The following FRK variants were observed in gnomAD, a reference collection of about 807,000 sequenced individuals.
The protein encoded by FRK is fyn related Src family tyrosine kinase.
A neutral mutation model predicts 56.4 loss-of-function variants in FRK; 51 were observed. The ratio of observed to expected loss-of-function variants is 0.90; its 90% CI spans 0.72 to 1.14. The LOEUF (loss-of-function observed/expected upper bound fraction) is 1.14. FRK is among the 50% of genes most tolerant of loss of function. FRK has a pLI of 0.00. For synonymous variants in FRK, 245 were observed against 217.9 expected, an observed-to-expected ratio of 1.12 and a Z score of -1.10; for missense variants, 570 against 601.4, an observed-to-expected ratio of 0.95 and a Z score of 0.55.
At chr6:116,050,327 T>C (rs920344589) in intron 1 of FRK, among the ~76,000 whole-genome samples, 21 of 152,210 alleles carry the variant, frequency 1.4e-4, no homozygotes, top group African/African-American at 4.8e-4. Context: ...CTACTTATCT[T>C]GGCTAACCTG....
intron 1 of FRK, among the ~76,000 whole-genome samples, chr6:116,031,945 C>A (rs1776317283): frequency 6.6e-6 from 1 of 152,092 alleles, no homozygotes; most frequent in Non-Finnish European, 1.5e-5. Flanking sequence ...ACAATTATTT[C>A]TCATTACTTC....
At chr6:116,053,261 T>C (rs999699155) in intron 1 of FRK, among the ~76,000 whole-genome samples, 1 of 152,210 alleles carries the variant, frequency 6.6e-6, no homozygotes, top group Non-Finnish European at 1.5e-5. Context: ...CTCTTATTTA[T>C]ATTGCCCATA....
intron 5 of FRK, 34 bp from the exon 6 acceptor site, chr6:115,944,459 T>C (rs1232669856): frequency 1.3e-6 from 2 of 1,524,366 alleles, no homozygotes; most frequent in African/African-American, 2.8e-5. Context: ...AAAGTTACCT[T>C]AGAGAACATT....
chr6:115,991,512 A>G (rs1774604260), intron 2 of FRK, among the ~76,000 whole-genome samples: 1 of 151,820 alleles, frequency 6.6e-6, no homozygotes, highest in African/African-American at 2.4e-5. Flanking sequence ...TTTTTGCTTC[A>G]TCTATTGAGA....
At chr6:116,095,305 T>C in the FRK span, among the ~76,000 whole-genome samples, 1 of 152,216 alleles carries the variant, frequency 6.6e-6, no homozygotes, top group East Asian at 1.9e-4. Flanking sequence ...AATTGCCTAA[T>C]AATTGGTCTG....
intron 1 of FRK, among the ~76,000 whole-genome samples, chr6:116,037,295 G>A (rs1213345140): frequency 1.3e-5 from 2 of 152,098 alleles, no homozygotes; most frequent in African/African-American, 2.4e-5. Context: ...ACAGGTGTTC[G>A]TATTTTTGTG....
chr6:116,060,502 C>T lies in FRK; in HGVS notation c.-191G>A, dbSNP rs771260961. 6.0e-4 allele frequency: 335 copies of T among 559,878 alleles called. No homozygotes were observed. The highest frequency in any genetic ancestry group is 8.9e-4 in the Non-Finnish European group (282 of 317,400). The allele number at this position is 559,878 out of a possible 1,614,324, so 34.7% of individuals were successfully genotyped here. On this transcript the variant is annotated 5_prime_UTR_variant, in exon 1 of 8. Transcript: ENST00000606080. ...GCAAGTCCTACCTGGAGAGACTTACCGGCTTGCTTTCTGTGGCTGGAGGTG... is the reference window on the plus strand; with the variant it reads ...GCAAGTCCTACCTGGAGAGACTTACTGGCTTGCTTTCTGTGGCTGGAGGTG...
At chr6:116,020,215 A>G (rs1188968671) in intron 1 of FRK, among the ~76,000 whole-genome samples, 2 of 152,226 alleles carry the variant, frequency 1.3e-5, no homozygotes, top group African/African-American at 4.8e-5. Context: ...AATTTATAAA[A>G]GACAGCTCAT....
Position 115,955,557 on chromosome 6 carries a change from C to T in FRK, c.958+895G>A, listed in dbSNP as rs1177037792. On this transcript the variant is annotated intron_variant, in intron 5 of 7. Transcript: ENST00000606080. The stretch of plus-strand genomic sequence containing the variant: ...AAGCTGAGTATATTTCTGTTTTTAA[C>T]AGCATTCAACAGGCCTTATTATGTT... 2.0e-5 allele frequency among the ~76,000 whole-genome samples: 3 copies of T among 152,144 alleles called. No individual in the cohort carries two copies. The East Asian group carries it at 5.8e-4, about 29-fold the overall frequency.
the FRK span, among the ~76,000 whole-genome samples, chr6:116,097,819 T>C: frequency 6.7e-3 from 1,024 of 152,296 alleles, 15 homozygotes; most frequent in African/African-American, 0.023. Context: ...TAAGCAAAAG[T>C]ACCCAACTTC....
intron 5 of FRK, among the ~76,000 whole-genome samples, chr6:115,944,708 T>C (rs938647600): frequency 3.3e-5 from 5 of 152,154 alleles, no homozygotes; most frequent in Non-Finnish European, 7.4e-5. Flanking sequence ...CTGCCTTTTT[T>C]CTTTTTTAAA....
intron 1 of FRK, among the ~76,000 whole-genome samples, chr6:116,012,455 G>A (rs1775507584): frequency 6.6e-6 from 1 of 152,164 alleles, no homozygotes; most frequent in Admixed American, 6.5e-5. Context: ...CTACTCCTCT[G>A]TTTTGATATG....
intron 1 of FRK, among the ~76,000 whole-genome samples, chr6:116,057,195 T>C (rs1362991749): frequency 6.6e-6 from 1 of 152,174 alleles, no homozygotes; most frequent in African/African-American, 2.4e-5. Flanking sequence ...ACTCATCCCA[T>C]ACATGTGGAT....
At chr6:115,985,837 G>A (rs557434213) in intron 2 of FRK, among the ~76,000 whole-genome samples, 2 of 151,412 alleles carry the variant, frequency 1.3e-5, no homozygotes, top group Non-Finnish European at 2.9e-5. Flanking sequence ...TTCCAATCTG[G>A]AGTGATTTTG....
chr6:115,995,732 C>T (rs1582692766), intron 2 of FRK, among the ~76,000 whole-genome samples: 1 of 152,106 alleles, frequency 6.6e-6, no homozygotes, highest in Non-Finnish European at 1.5e-5. Context: ...TGTGCATCTG[C>T]ATGTATATGT....
chr6:116,081,794 T>C, the FRK span, among the ~76,000 whole-genome samples: 2 of 152,174 alleles, frequency 1.3e-5, no homozygotes, highest in Non-Finnish European at 2.9e-5. Context: ...ATTAATCAAG[T>C]GTTTTAATTG....
Position 116,055,077 on chromosome 6 carries a change from A to T in FRK, c.344+4891T>A, listed in dbSNP as rs547069041. 5.3e-5 allele frequency among the ~76,000 whole-genome samples: 8 copies of T among 152,314 alleles called. No homozygotes were observed. The South Asian group carries it at 1.2e-3, about 24-fold the overall frequency. On this transcript the variant is annotated intron_variant, in intron 1 of 7. Coordinates refer to ENST00000606080, the MANE Select transcript of FRK (RefSeq NM_002031.3). ...CAGCATTCAAATGACAAAATAGCAA[A>T]GCCTCACTCTATTTTAAAACGGTGA...
the FRK span, among the ~76,000 whole-genome samples, chr6:116,070,087 A>G: frequency 6.6e-6 from 1 of 151,786 alleles, no homozygotes; most frequent in Non-Finnish European, 1.5e-5. Context: ...TTAAAGACCA[A>G]CTTATCTAAT....
chr6:116,086,692 T>C, the FRK span, among the ~76,000 whole-genome samples: 1 of 152,102 alleles, frequency 6.6e-6, no homozygotes, highest in African/African-American at 2.4e-5. Context: ...GGATTCAGAG[T>C]TTCAGTGAAA....
Sources: allele counts gnomAD v4.1 joint callset (sites outside exome capture counted in the v4.1 genomes callset), GRCh38; gene constraint gnomAD v4.1.1; transcripts MANE v1.5; gene names NCBI Gene and HGNC (gene_info 2026-07-23, HGNC 2026-07-21).